The following ARPC1A variants were observed in gnomAD, a reference collection of about 807,000 sequenced individuals.
The protein encoded by ARPC1A is actin related protein 2/3 complex subunit 1A.
In ARPC1A, 8 loss-of-function variants were observed where a neutral mutation model predicts 46.9. The observed-to-expected ratio is 0.17, with a 90% CI of 0.10 to 0.31. The LOEUF (loss-of-function observed/expected upper bound fraction) is 0.31, where lower values mean the gene tolerates loss of function less well. Among genes scored for constraint, ARPC1A ranks in the 10% least tolerant of loss-of-function variants. The probability of loss-of-function intolerance (pLI) is 1.00; values close to 1 mark genes in which losing one functional copy is unlikely to be tolerated. For synonymous variants in ARPC1A, 152 were observed against 169.0 expected (o/e 0.90, Z 0.78); for missense variants, 286 against 483.6 (o/e 0.59, Z 3.83).
chr7:99,326,019 G>A lies in ARPC1A; in HGVS notation c.-30+15G>A, dbSNP rs1417885705. On this transcript the variant is annotated intron_variant, in intron 1 of 9. Transcript: ENST00000262942. ...CCCGATCCCAGGTAACGGCCAGCAG[G>A]GGCGAGCGTCTCACCCTGTCGGCCT... 2 of 152,516 alleles carry A rather than the reference G, an allele frequency of 1.3e-5. No homozygotes were observed. The highest frequency in any genetic ancestry group is 3.9e-4 in the East Asian group (2 of 5,180). The allele number at this position is 152,516 out of a possible 1,614,324, so 9.4% of individuals were successfully genotyped here. A position where few individuals can be genotyped will look rare whatever the true frequency, so the allele number is the denominator to read the frequency against.
At chr7:99,359,899 C>T in intron 8 of ARPC1A, 161 bp downstream of exon 8, 1 of 840,724 alleles carries the variant, frequency 1.2e-6, no homozygotes, top group Non-Finnish European at 1.8e-6. Flanking sequence ...CCGCCAGGCT[C>T]TCATTTCCAG....
chr7:99,354,528 A>C (rs1273275539), intron 6 of ARPC1A, among the ~76,000 whole-genome samples: 1 of 151,296 alleles, frequency 6.6e-6, no homozygotes, highest in African/African-American at 2.4e-5. Flanking sequence ...CTCAAAAAAA[A>C]AAAAAAAAAA....
intron 8 of ARPC1A, among the ~76,000 whole-genome samples, chr7:99,362,011 C>T (rs543874363): frequency 2.6e-5 from 4 of 152,138 alleles, no homozygotes; most frequent in African/African-American, 9.6e-5. Context: ...ACGTAAAAGC[C>T]GGGTCAGGTG....
intron 9 of ARPC1A, among the ~76,000 whole-genome samples, chr7:99,364,951 C>G (rs1450719274): frequency 6.6e-6 from 1 of 152,068 alleles, no homozygotes; most frequent in Non-Finnish European, 1.5e-5. Flanking sequence ...GATGCGTGGA[C>G]TGCAGGGAAC....
chr7:99,359,455 A>T lies in ARPC1A; in HGVS notation c.790-90A>T. The T allele has an allele frequency of 1.0e-3, 956 of 942,396 alleles. 1 individual carries two copies. The highest frequency in any genetic ancestry group is 1.4e-3 in the Non-Finnish European group (877 of 632,522). 58.4% of individuals were successfully genotyped at this position (942,396 alleles called of 1,614,324 possible). A position where few individuals can be genotyped will look rare whatever the true frequency, so the allele number is the denominator to read the frequency against. On this transcript the variant is annotated intron_variant, in intron 7 of 9. Coordinates refer to ENST00000262942, the MANE Select transcript of ARPC1A (RefSeq NM_006409.4). ...GGTCTCAAAAAAAAAAAAAAAAAAG[A>T]GTAAGAGAGGCCTGTCGTGGTGAAC...
intron 2 of ARPC1A, among the ~76,000 whole-genome samples, chr7:99,334,020 C>A (rs1793195595): frequency 7.1e-6 from 1 of 140,882 alleles, no homozygotes; most frequent in African/African-American, 2.9e-5. Flanking sequence ...CACACACACA[C>A]ACACACACAC....
intron 4 of ARPC1A, among the ~76,000 whole-genome samples, chr7:99,345,212 G>A (rs575998324): frequency 5.2e-4 from 79 of 151,874 alleles, no homozygotes; most frequent in African/African-American, 1.8e-3. Flanking sequence ...GATTACAGGC[G>A]TGAGCCACCA....
At chr7:99,351,511 GCCTGGCCCAGT>G (rs886907513) in intron 5 of ARPC1A, among the ~76,000 whole-genome samples, 4 of 152,166 alleles carry the variant, frequency 2.6e-5, no homozygotes, top group Non-Finnish European at 4.4e-5. Flanking sequence ...GAGCCACTGC[GCCTGGCCCAGT>G]CCTGTGGGTA....
intron 8 of ARPC1A, 168 bp downstream of exon 8, chr7:99,359,906 C>A: frequency 1.2e-6 from 1 of 809,122 alleles, no homozygotes; most frequent in Non-Finnish European, 1.9e-6. Flanking sequence ...GCTCTCATTT[C>A]CAGCTCGTGG....
rs1443832286 is a variant in ARPC1A at position 99,363,552 on chromosome 7, T to C, written c.993T>C (p.Ser331=). Residue 331 remains serine, a synonymous_variant, in exon 9 of 10, where the codon TCT becomes TCC. Transcript: ENST00000262942. ...CTTTGCTTTTTTTCAGTCAAGTCTC[T>C]ATTTATGAGGTGGACAAGCAAGATT... is the stretch of plus-strand genomic sequence containing the variant. The part of the protein sequence containing the change: ...TLHQNSITQV[S]IYEVDKQDCR... 6.2e-7 allele frequency: 1 copy of C among 1,613,120 alleles called. No homozygotes were observed. Among genetic ancestry groups the C allele is most frequent in the Admixed American group, 1.7e-5 (1 of 59,848 alleles).
At chr7:99,335,203 T>C (rs756848733) in intron 2 of ARPC1A, among the ~76,000 whole-genome samples, 4 of 152,178 alleles carry the variant, frequency 2.6e-5, no homozygotes, top group Non-Finnish European at 4.4e-5. Context: ...TCACCCAGAC[T>C]GGCCTCGAAC....
In ARPC1A at chr7:99,353,946, C is replaced by T. The variant is rs765993633; in HGVS notation, c.538C>T (p.Pro180Ser). 2 of 1,613,802 alleles carry T rather than the reference C, an allele frequency of 1.2e-6. No homozygotes were observed. The highest frequency in any genetic ancestry group is 1.7e-6 in the Non-Finnish European group (2 of 1,179,872). The change falls in exon 6 of 10, where the codon CCA becomes TCA. Residue 180 changes from proline to serine, a missense_variant. Coordinates refer to ENST00000262942, the MANE Select transcript of ARPC1A (RefSeq NM_006409.4). ...CTACATTAAAGAAGTGGATGAAAAG[C>T]CAGCCAGCACGCCCTGGGGCAGCAA... Reference protein sequence around the residue: ...SAYIKEVDEKPASTPWGSKMP... With the variant: ...SAYIKEVDEKSASTPWGSKMP...
At chr7:99,331,603 T>C (rs1478907385) in intron 1 of ARPC1A, among the ~76,000 whole-genome samples, 2 of 152,082 alleles carry the variant, frequency 1.3e-5, no homozygotes, top group Non-Finnish European at 1.5e-5. Flanking sequence ...ACAAAATACA[T>C]CTTTTCTGCC....
chr7:99,338,084 C>T, intron 2 of ARPC1A, 97 bp from the exon 3 acceptor site: 2 of 822,442 alleles, frequency 2.4e-6, no homozygotes, highest in Non-Finnish European at 1.8e-6. Flanking sequence ...TTTTCTTTTC[C>T]TTACTATAGT....
In ARPC1A at chr7:99,342,455, G is replaced by A. The variant is rs189282306; in HGVS notation, c.170-1838G>A. Among the ~76,000 whole-genome samples, 211 of 152,002 alleles carry A rather than the reference G, an allele frequency of 1.4e-3. 1 individual carries two copies. Among genetic ancestry groups the A allele is most frequent in the African/African-American group, 4.5e-3 (186 of 41,462 alleles). ...AGCTACTCAGGAGGCTGAGGTAGGAGGATTTCATGAGCCTGGGAGGTTGAG... is the reference window on the plus strand; with the variant it reads ...AGCTACTCAGGAGGCTGAGGTAGGAAGATTTCATGAGCCTGGGAGGTTGAG... On this transcript the variant is annotated intron_variant, in intron 3 of 9. Coordinates refer to ENST00000262942, the MANE Select transcript of ARPC1A (RefSeq NM_006409.4).
At position 99,362,330 on chromosome 7, in the gene ARPC1A, G is replaced by GCCC. The variant is rs145306692; in HGVS notation, c.984-1209_984-1207dup. Reference sequence around the variant, plus strand: ...AAATAAAATAAAAATGTAAAACCCCGCCCCCCTTTTTTTTTTTTTTTTTGA... The same window carrying GCCC: ...AAATAAAATAAAAATGTAAAACCCCGCCCCCCCCCTTTTTTTTTTTTTTTTTGA... On this transcript the variant is annotated intron_variant, in intron 8 of 9. Coordinates refer to ENST00000262942, the MANE Select transcript of ARPC1A (RefSeq NM_006409.4). Among the ~76,000 whole-genome samples, 65 of 110,572 alleles carry GCCC rather than the reference G, an allele frequency of 5.9e-4. 1 individual carries two copies. The highest frequency in any genetic ancestry group is 7.9e-4 in the African/African-American group (21 of 26,686). The allele number at this position is 110,572 out of a possible 152,430, so 72.5% of individuals were successfully genotyped here.
chr7:99,349,401 ACTGTG>A (rs1052075090), intron 5 of ARPC1A, among the ~76,000 whole-genome samples: 5 of 151,792 alleles, frequency 3.3e-5, no homozygotes, highest in African/African-American at 1.2e-4. Context: ...TGCGCTAGGC[ACTGTG>A]AGGGACTCAA....
Position 99,359,734 on chromosome 7 carries a change from A to G in ARPC1A, c.979A>G (p.Ile327Val). 1.9e-6 allele frequency: 3 copies of G among 1,614,140 alleles called. No individual in the cohort carries two copies. Among genetic ancestry groups the G allele is most frequent in the African/African-American group, 2.7e-5 (2 of 75,076 alleles). Residue 327 changes from isoleucine to valine, a missense_variant, in exon 8 of 10, where the codon ATC (isoleucine) becomes GTC (valine). Around this residue, in one of 5 missense-constraint regions of ARPC1A, gnomAD observed 182 missense variants for 276.7 expected, o/e 0.66. Transcript: ENST00000262942. ...CTTGGAGACGCTGCACCAGAATAGC[A>G]TCACGTAGGTGCCGTCTGTAGAGAG... Reference protein sequence around the residue: ...TALETLHQNSITQVSIYEVDK... With the variant: ...TALETLHQNSVTQVSIYEVDK...
At position 99,333,339 on chromosome 7, in the gene ARPC1A, A is replaced by G; in HGVS notation, c.-15A>G. 6.2e-7 allele frequency: 1 copy of G among 1,610,516 alleles called. No homozygotes were observed. Among genetic ancestry groups the G allele is most frequent in the South Asian group, 1.1e-5 (1 of 90,738 alleles). ...GTTCATTGCAGCTTTCTCTCCTTTG[A>G]AAACACTAAGAATAATGTCACTGCA... is the stretch of plus-strand genomic sequence containing the variant. On this transcript the variant is annotated 5_prime_UTR_variant, in exon 2 of 10. Coordinates refer to ENST00000262942, the MANE Select transcript of ARPC1A (RefSeq NM_006409.4).
Sources: gnomAD v4.1 joint callset for allele counts (sites outside exome capture counted in the v4.1 genomes callset) on GRCh38, gnomAD v4.1.1 for gene constraint, gnomAD v4.1.1 regional missense constraint, MANE v1.5 for transcripts, NCBI Gene and HGNC (gene_info 2026-07-23, HGNC 2026-07-21) for gene names.